The following PDE3A variants were observed in gnomAD, a reference collection of about 807,000 sequenced individuals.
PDE3A encodes phosphodiesterase 3A, also known as cGMP-inhibited 3',5'-cyclic phosphodiesterase 3A.
Under a neutral mutation model 98.3 loss-of-function variants are expected in PDE3A, and 43 were observed. That is an observed-to-expected ratio of 0.44 (90% CI 0.34 to 0.56). The LOEUF (loss-of-function observed/expected upper bound fraction) is 0.56. Among genes scored for constraint, PDE3A ranks in the 20% least tolerant of loss-of-function variants. The pLI is 0.01. For synonymous variants in PDE3A, 663 were observed against 567.9 expected, an observed-to-expected ratio of 1.17 and a Z score of -2.38; for missense variants, 1,427 against 1,440.7, an observed-to-expected ratio of 0.99 and a Z score of 0.15.
chr12:20,492,339 A>G (rs951573529), intron 1 of PDE3A, among the ~76,000 whole-genome samples: 5 of 152,082 alleles, frequency 3.3e-5, no homozygotes, highest in Non-Finnish European at 7.4e-5. Context: ...GGGAGGCAGG[A>G]AGTATTGCAG....
In PDE3A at chr12:20,395,636, T is replaced by C. The variant is rs1376563489; in HGVS notation, c.960+25392T>C. ...TATATAGTATTATATATGTATACTATATATACACATAGTATTATATATGTA... is the reference window on the plus strand; with the variant it reads ...TATATAGTATTATATATGTATACTACATATACACATAGTATTATATATGTA... On this transcript the variant is annotated intron_variant, in intron 1 of 15. Transcript: ENST00000359062. Among the ~76,000 whole-genome samples, 11 of 147,512 alleles carry C rather than the reference T, an allele frequency of 7.5e-5. No individual in the cohort carries two copies. In the Admixed American group the frequency reaches 7.5e-4, roughly 10 times the overall value.
chr12:20,590,847 A>G (rs10459069), intron 2 of PDE3A, among the ~76,000 whole-genome samples: 29,203 of 152,096 alleles, frequency 0.19, 3,209 homozygotes, highest in South Asian at 0.36. Flanking sequence ...CATGTAGGTT[A>G]TGGTGGGTCT....
At position 20,386,050 on chromosome 12, in the gene PDE3A, A is replaced by AT. The variant is rs71039939; in HGVS notation, c.960+15806_960+15807insT. Among the ~76,000 whole-genome samples the AT allele has an allele frequency of 8.8e-5, 3 of 34,118 alleles. 1 individual carries two copies. The highest frequency in any genetic ancestry group is 1.8e-4 in the Non-Finnish European group (3 of 16,408). The allele number at this position is 34,118 out of a possible 152,430, so 22.4% of individuals were successfully genotyped here. ...ATATAAATATATATAAAATATATAT[A>AT]AATATATATAAATATATATAAAATA... On this transcript the variant is annotated intron_variant, in intron 1 of 15. Transcript: ENST00000359062.
intron 1 of PDE3A, among the ~76,000 whole-genome samples, chr12:20,442,518 T>C (rs1315447280): frequency 2.0e-5 from 3 of 152,154 alleles, no homozygotes; most frequent in African/African-American, 7.2e-5. Flanking sequence ...GTTCATGCAT[T>C]TCACTGACCT....
chr12:20,457,389 T>C (rs535401717), intron 1 of PDE3A, among the ~76,000 whole-genome samples: 35 of 151,988 alleles, frequency 2.3e-4, no homozygotes, highest in African/African-American at 7.7e-4. Context: ...ATTATACTTG[T>C]AGTATTTCAC....
At chr12:20,615,462 C>T (rs1387479674) in intron 3 of PDE3A, among the ~76,000 whole-genome samples, 1 of 152,050 alleles carries the variant, frequency 6.6e-6, no homozygotes, top group African/African-American at 2.4e-5. Context: ...GACTTGAGCT[C>T]CTTTCATTTG....
In PDE3A at chr12:20,566,080, A is replaced by G. The variant is rs944663098; in HGVS notation, c.1011+9370A>G. On this transcript the variant is annotated intron_variant, in intron 2 of 15. Transcript: ENST00000359062. ...CCCAAAGTTACCAGGGCTGACAACTACAAAGAAAAAGCCTGGAATAATATT... is the reference window on the plus strand; with the variant it reads ...CCCAAAGTTACCAGGGCTGACAACTGCAAAGAAAAAGCCTGGAATAATATT... 3.9e-5 allele frequency among the ~76,000 whole-genome samples: 6 copies of G among 152,140 alleles called. No homozygotes were observed. In the East Asian group the frequency reaches 1.2e-3, roughly 29 times the overall value.
chr12:20,669,933 G>A (rs1945426361), intron 15 of PDE3A, among the ~76,000 whole-genome samples: 1 of 151,994 alleles, frequency 6.6e-6, no homozygotes. Flanking sequence ...AGACCAATCA[G>A]TGTGCTGTAT....
chr12:20,522,535 G>T (rs1946449064), intron 1 of PDE3A, among the ~76,000 whole-genome samples: 1 of 152,186 alleles, frequency 6.6e-6, no homozygotes, highest in Admixed American at 6.5e-5. Flanking sequence ...GTGTAAAAGT[G>T]TGTAGCTTTT....
intron 2 of PDE3A, among the ~76,000 whole-genome samples, chr12:20,574,040 C>T (rs1942869291): frequency 6.6e-6 from 1 of 152,194 alleles, no homozygotes; most frequent in Admixed American, 6.5e-5. Context: ...GAAGAAATTC[C>T]ATGCCAAACC....
intron 15 of PDE3A, among the ~76,000 whole-genome samples, chr12:20,659,052 C>T (rs897177510): frequency 7.2e-5 from 11 of 152,092 alleles, no homozygotes; most frequent in African/African-American, 2.2e-4. Flanking sequence ...AGACTGTAAA[C>T]TCCTTTAAGG....
At chr12:20,370,467 G>A (rs1943453047) in intron 1 of PDE3A, among the ~76,000 whole-genome samples, 1 of 144,618 alleles carries the variant, frequency 6.9e-6, no homozygotes, top group Non-Finnish European at 1.5e-5. Context: ...TAACCTGAAC[G>A]ACTGAAACAC....
rs2120482787 is a variant in PDE3A, at chr12:20,370,038, G to A, written c.754G>A (p.Ala252Thr). The A allele has an allele frequency of 1.9e-6, 3 of 1,612,946 alleles. No individual in the cohort carries two copies. The highest frequency in any genetic ancestry group is 1.6e-4 in the Middle Eastern group (1 of 6,062). Residue 252 changes from alanine to threonine, a missense_variant, in exon 1 of 16, where the codon GCC becomes ACC. Coordinates refer to ENST00000359062, the MANE Select transcript of PDE3A (RefSeq NM_000921.5). Reference sequence around the variant, plus strand: ...GGCCGGCGTGCTGGGGATCCTCTTGGCCAGGTACGTGGAACAAATCTTGCC... The same window carrying A: ...GGCCGGCGTGCTGGGGATCCTCTTGACCAGGTACGTGGAACAAATCTTGCC... ...YLAGVLGILL[A>T]RYVEQILPQS...
chr12:20,401,294 C>G (rs1944126037), intron 1 of PDE3A, among the ~76,000 whole-genome samples: 1 of 152,178 alleles, frequency 6.6e-6, no homozygotes, highest in African/African-American at 2.4e-5. Flanking sequence ...CAGCTCTAAT[C>G]AGGCAGCAGT....
At chr12:20,646,668 T>G in intron 11 of PDE3A, 65 bp downstream of exon 11, 1 of 1,442,080 alleles carries the variant, frequency 6.9e-7, no homozygotes, top group Non-Finnish European at 9.7e-7. Context: ...TTGTTTTTGT[T>G]TTTTTTCAAA....
At chr12:20,382,853 T>C (rs896201030) in intron 1 of PDE3A, among the ~76,000 whole-genome samples, 1 of 152,038 alleles carries the variant, frequency 6.6e-6, no homozygotes, top group Non-Finnish European at 1.5e-5. Context: ...TTGAAGGTTA[T>C]AATCTAAATT....
At chr12:20,661,232 G>A (rs1945163176) in intron 15 of PDE3A, among the ~76,000 whole-genome samples, 1 of 152,164 alleles carries the variant, frequency 6.6e-6, no homozygotes, top group Non-Finnish European at 1.5e-5. Flanking sequence ...TCTGGTGGGA[G>A]AAATTTCTAA....
chr12:20,405,595 T>C lies in PDE3A; in HGVS notation c.960+35351T>C, dbSNP rs1271988328. Among the ~76,000 whole-genome samples the C allele has an allele frequency of 1.3e-5, 2 of 152,166 alleles. 1 individual carries two copies. The highest frequency in any genetic ancestry group is 2.9e-5 in the Non-Finnish European group (2 of 68,030). ...TTGTTTTCTTTTTTGTTTGGCTTTATTGAGATATAATTGAAAATAAAATCG... is the reference window on the plus strand; with the variant it reads ...TTGTTTTCTTTTTTGTTTGGCTTTACTGAGATATAATTGAAAATAAAATCG... On this transcript the variant is annotated intron_variant, in intron 1 of 15. Transcript: ENST00000359062.
intron 2 of PDE3A, among the ~76,000 whole-genome samples, chr12:20,573,603 G>A (rs867419732): frequency 5.9e-5 from 9 of 152,098 alleles, no homozygotes; most frequent in Middle Eastern, 3.4e-3. Context: ...AGCCACTTTC[G>A]TCTCTTCTGT....
Sources: gnomAD v4.1 joint callset for allele counts (sites outside exome capture counted in the v4.1 genomes callset) on GRCh38, gnomAD v4.1.1 for gene constraint, MANE v1.5 for transcripts, NCBI Gene and HGNC (gene_info 2026-07-23, HGNC 2026-07-21) for gene names.